ZNF536: variants seen among roughly 807,000 people sequenced by gnomAD.
ZNF536 encodes zinc finger protein 536.
Under a neutral mutation model 84.5 loss-of-function variants are expected in ZNF536, and 13 were observed. The ratio of observed to expected loss-of-function variants is 0.15; its 90% CI spans 0.10 to 0.24. The LOEUF (loss-of-function observed/expected upper bound fraction) is 0.24. Ranked by LOEUF, ZNF536 falls within the 10% of genes least tolerant of loss-of-function variation. ZNF536 has a pLI of 1.00. For missense variants in ZNF536, 1,536 were observed against 1,747.5 expected (o/e 0.88, Z 2.16); for synonymous variants, 811 against 742.5 (o/e 1.09, Z -1.50).
Position 30,264,966 on chromosome 19 carries a change from T to TGTGTGTGAGAGA in ZNF536, c.-189-19105_-189-19104insTGTGTGAGAGAG, listed in dbSNP as rs59889852. 4.3e-3 allele frequency among the ~76,000 whole-genome samples: 576 copies of TGTGTGTGAGAGA among 133,842 alleles called. 8 individuals are homozygous for TGTGTGTGAGAGA. The highest frequency in any genetic ancestry group is 0.023 in the Middle Eastern group (6 of 256). 87.8% of individuals were successfully genotyped at this position (133,842 alleles called of 152,430 possible). A position where few individuals can be genotyped will look rare whatever the true frequency, so the allele number is the denominator to read the frequency against. On this transcript the variant is annotated intron_variant, in intron 1 of 5. Transcript: ENST00000585628. ...GTGTGTGTGTGTGTGTGTGTGTGTGTGAGAGAGAGAGAGAGAAAGAGAGAT... is the reference window on the plus strand; with the variant it reads ...GTGTGTGTGTGTGTGTGTGTGTGTGTGTGTGTGAGAGAGAGAGAGAGAGAGAGAAAGAGAGAT...
chr19:30,485,614 T>TC (rs397819294), intron 2 of ZNF536, among the ~76,000 whole-genome samples: 1 of 151,720 alleles, frequency 6.6e-6, no homozygotes, highest in African/African-American at 2.4e-5. Flanking sequence ...TTTTTTTTTT[T>TC]GTCTTTTCTT....
chr19:30,621,933 C>T (rs1332722290), intron 1 of ZNF536, among the ~76,000 whole-genome samples: 1 of 152,238 alleles, frequency 6.6e-6, no homozygotes, highest in South Asian at 2.1e-4. Flanking sequence ...AAATGGTCCC[C>T]CAGACAGCGT....
chr19:30,352,313 G>C (rs2146730930), intron 2 of ZNF536: 1 of 152,346 alleles, frequency 6.6e-6, no homozygotes, highest in East Asian at 1.9e-4. Context: ...GTGATTTGGT[G>C]AATTTGTTAC....
intron 3 of ZNF536, among the ~76,000 whole-genome samples, chr19:30,539,139 G>A (rs1019987943): frequency 1.5e-4 from 22 of 151,646 alleles, no homozygotes; most frequent in Non-Finnish European, 2.4e-4. Context: ...ACACACACAC[G>A]CACACAGGAG....
At chr19:30,347,798 G>A (rs570604468) in intron 2 of ZNF536, among the ~76,000 whole-genome samples, 2 of 152,306 alleles carry the variant, frequency 1.3e-5, no homozygotes, top group African/African-American at 2.4e-5. Context: ...TCCTGACACT[G>A]CAAGGGTTTT....
intron 1 of ZNF536, among the ~76,000 whole-genome samples, chr19:30,421,520 G>A (rs575800082): frequency 2.2e-4 from 34 of 152,182 alleles, no homozygotes; most frequent in African/African-American, 7.7e-4. Context: ...ATGCCACCAC[G>A]CCTGGTAATT....
At chr19:30,487,626 A>G (rs921852410) in intron 2 of ZNF536, among the ~76,000 whole-genome samples, 2 of 152,216 alleles carry the variant, frequency 1.3e-5, no homozygotes, top group Admixed American at 1.3e-4. Context: ...TAAGAAAATT[A>G]GAAAACTCAA....
intron 2 of ZNF536, among the ~76,000 whole-genome samples, chr19:30,467,460 C>T (rs368378074): frequency 1.3e-4 from 20 of 152,196 alleles, no homozygotes; most frequent in African/African-American, 3.9e-4. Flanking sequence ...TTCCTTTTTA[C>T]GGCTGTATAG....
intron 1 of ZNF536, among the ~76,000 whole-genome samples, chr19:30,385,001 C>G (rs1430662424): frequency 1.3e-5 from 2 of 151,950 alleles, no homozygotes; most frequent in African/African-American, 2.4e-5. Context: ...GCCTGGGCGA[C>G]AGAGTGAGAT....
In ZNF536 at chr19:30,548,926, G is replaced by A. The variant is rs2146226464; in HGVS notation, c.3307G>A (p.Ala1103Thr). 6.2e-7 allele frequency: 1 copy of A among 1,614,180 alleles called. No homozygotes were observed. The highest frequency in any genetic ancestry group is 1.1e-5 in the South Asian group (1 of 91,084). ...SGAWTGHVDP[A>T]FCNFPSDFYK... ...TGCATGGACCGGCCACGTGGACCCT[G>A]CATTTTGTAACTTCCCATCAGACTT... The change falls in exon 4 of 5, where the codon GCA becomes ACA. Residue 1103 changes from alanine (A) to threonine (T), a missense_variant. By Grantham distance (58) the Ala-to-Thr change is moderately conservative. Coordinates refer to ENST00000355537, the MANE Select transcript of ZNF536 (RefSeq NM_014717.3).
chr19:30,443,711 T>G lies in ZNF536; in HGVS notation c.149T>G (p.Leu50Arg). The G allele has an allele frequency of 6.2e-7, 1 of 1,613,496 alleles. No homozygotes were observed. The highest frequency in any genetic ancestry group is 8.5e-7 in the Non-Finnish European group (1 of 1,179,862). The stretch of plus-strand genomic sequence containing the variant: ...CAGCTCAGCCATGCCTTCCCCGAGC[T>G]CCATCCCCGGCCCAACCCCGAGGAG... ...TSQLSHAFPE[L>R]HPRPNPEEKP... Residue 50 changes from leucine (L) to arginine (R), a missense_variant, in exon 2 of 5, where the codon CTC becomes CGC. Coordinates refer to ENST00000355537, the MANE Select transcript of ZNF536 (RefSeq NM_014717.3).
At chr19:30,671,303 G>C (rs1263960463) in intron 1 of ZNF536, among the ~76,000 whole-genome samples, 3 of 152,218 alleles carry the variant, frequency 2.0e-5, no homozygotes, top group Non-Finnish European at 4.4e-5. Context: ...CCGTGACATA[G>C]TTGGGGGCTT....
chr19:30,416,631 G>A (rs1232486424), intron 1 of ZNF536, among the ~76,000 whole-genome samples: 1 of 152,110 alleles, frequency 6.6e-6, no homozygotes, highest in African/African-American at 2.4e-5. Context: ...TGGGAAGAGG[G>A]CAGGCTTTCT....
chr19:30,278,393 C>T (rs939885015), intron 1 of ZNF536, among the ~76,000 whole-genome samples: 5 of 152,042 alleles, frequency 3.3e-5, no homozygotes, highest in African/African-American at 9.7e-5. Context: ...GGATAGTGGC[C>T]CCAAGTGGGG....
chr19:30,261,347 G>A (rs1007532230), intron 1 of ZNF536, among the ~76,000 whole-genome samples: 4 of 144,764 alleles, frequency 2.8e-5, no homozygotes, highest in Non-Finnish European at 6.1e-5. Flanking sequence ...GCACATTATA[G>A]CTGTGAGTTT....
At chr19:30,405,597 C>A (rs371711261) in intron 1 of ZNF536, among the ~76,000 whole-genome samples, 2 of 152,048 alleles carry the variant, frequency 1.3e-5, no homozygotes, top group African/African-American at 4.8e-5. Flanking sequence ...TTTAAGACTG[C>A]ACTTCTCCCT....
intron 1 of ZNF536, among the ~76,000 whole-genome samples, chr19:30,648,483 C>T (rs1383745755): frequency 2.0e-5 from 3 of 152,314 alleles, no homozygotes; most frequent in Non-Finnish European, 2.9e-5. Flanking sequence ...GCAGGGGCAG[C>T]AGAGGTGTGA....
intron 1 of ZNF536, among the ~76,000 whole-genome samples, chr19:30,273,490 GATGTTGAGT>G (rs2025965141): frequency 2.0e-5 from 3 of 152,194 alleles, no homozygotes; most frequent in Admixed American, 2.0e-4. Flanking sequence ...GGTGACATAG[GATGTTGAGT>G]ATCTTTTCAT....
At chr19:30,357,224 G>A (rs983445217) in intron 3 of ZNF536, among the ~76,000 whole-genome samples, 6 of 152,238 alleles carry the variant, frequency 3.9e-5, no homozygotes, top group African/African-American at 1.4e-4. Context: ...CTAAGGAAGG[G>A]ACGCTGGTAG....
Sources: gnomAD v4.1 joint callset for allele counts (sites outside exome capture counted in the v4.1 genomes callset) on GRCh38, gnomAD v4.1.1 for gene constraint, MANE v1.5 for transcripts, NCBI Gene and HGNC (gene_info 2026-07-23, HGNC 2026-07-21) for gene names.